The following CNTN4 variants were observed in gnomAD, a reference collection of about 807,000 sequenced individuals.
CNTN4 encodes the protein contactin-4.
A neutral mutation model predicts 122.5 loss-of-function variants in CNTN4; 77 were observed. That is an observed-to-expected ratio of 0.63 (90% CI 0.52 to 0.76). The LOEUF (loss-of-function observed/expected upper bound fraction) is 0.76. CNTN4 is among the 30% of genes least tolerant of loss of function. The pLI is 0.00. For missense variants in CNTN4, 1,256 were observed against 1,259.1 expected (o/e 1.00, Z 0.04); for synonymous variants, 512 against 447.0 (o/e 1.15, Z -1.83).
At chr3:2,732,880 G>T (rs148560734) in intron 4 of CNTN4, among the ~76,000 whole-genome samples, 2 of 152,140 alleles carry the variant, frequency 1.3e-5, no homozygotes, top group African/African-American at 2.4e-5. Flanking sequence ...GATTTCCTTC[G>T]ATGAGAACTG....
chr3:2,657,356 A>G (rs564811012), intron 4 of CNTN4, among the ~76,000 whole-genome samples: 1 of 152,216 alleles, frequency 6.6e-6, no homozygotes, highest in South Asian at 2.1e-4. Flanking sequence ...TATTACATCA[A>G]TCTCTCCAGT....
chr3:2,557,066 T>C (rs1247038744), intron 3 of CNTN4, among the ~76,000 whole-genome samples: 1 of 152,226 alleles, frequency 6.6e-6, no homozygotes, highest in African/African-American at 2.4e-5. Flanking sequence ...CTTTGCCAGA[T>C]CTCTGAAATA....
intron 2 of CNTN4, among the ~76,000 whole-genome samples, chr3:2,225,801 G>A (rs1204338237): frequency 6.6e-6 from 1 of 152,118 alleles, no homozygotes; most frequent in East Asian, 1.9e-4. Context: ...TCATGGACTG[G>A]CTCACATCTT....
At chr3:2,926,008 C>T (rs925564209) in intron 13 of CNTN4, among the ~76,000 whole-genome samples, 3 of 152,140 alleles carry the variant, frequency 2.0e-5, no homozygotes, top group Admixed American at 1.3e-4. Context: ...ACATGATCCC[C>T]GCTGAAGACT....
At chr3:2,101,156 A>T (rs2031916689) in intron 2 of CNTN4, among the ~76,000 whole-genome samples, 1 of 152,168 alleles carries the variant, frequency 6.6e-6, no homozygotes, top group African/African-American at 2.4e-5. Context: ...ATGATGTTGG[A>T]TTTTTTATCA....
chr3:2,427,352 G>A (rs538299711), intron 3 of CNTN4, among the ~76,000 whole-genome samples: 3 of 152,290 alleles, frequency 2.0e-5, no homozygotes, highest in African/African-American at 7.2e-5. Context: ...TCAGGAGCAG[G>A]TTGCTCAGTT....
rs76716357 is a variant in CNTN4 at position 2,449,150 on chromosome 3, A to G, written c.-89+109917A>G. Among the ~76,000 whole-genome samples, 572 of 152,320 alleles carry G rather than the reference A, an allele frequency of 3.8e-3. 4 individuals are homozygous for G. Among genetic ancestry groups the G allele is most frequent in the African/African-American group, 0.013 (559 of 41,570 alleles). On this transcript the variant is annotated intron_variant, in intron 3 of 24. Coordinates refer to ENST00000418658, the MANE Select transcript of CNTN4 (RefSeq NM_175607.3). ...CCCAAGCTAGGGTGATGTTTGGAGCATGTTGGATTTAAAAGACAGAAAAAT... is the reference window on the plus strand; with the variant it reads ...CCCAAGCTAGGGTGATGTTTGGAGCGTGTTGGATTTAAAAGACAGAAAAAT...
At chr3:2,281,817 G>A (rs9857176) in intron 2 of CNTN4, among the ~76,000 whole-genome samples, 77,501 of 151,854 alleles carry the variant, frequency 0.51, 20,163 homozygotes, top group South Asian at 0.65. Context: ...TCATCTTGCT[G>A]TATGGAGATA....
At position 2,385,531 on chromosome 3, in the gene CNTN4, T is replaced by C. The variant is rs931461299; in HGVS notation, c.-89+46298T>C. ...ACAGAAGTTTATTCTCTCACACTTC[T>C]AGAGGCCAGAAGTCCAAAATCAGGT... On this transcript the variant is annotated intron_variant, in intron 3 of 24. Coordinates refer to ENST00000418658, the MANE Select transcript of CNTN4 (RefSeq NM_175607.3). The surrounding 1 kb of genome is among the most constrained non-coding windows in gnomAD (Gnocchi z 4.0). Among the ~76,000 whole-genome samples the C allele has an allele frequency of 2.6e-5, 4 of 152,196 alleles. No homozygotes were observed. The highest frequency in any genetic ancestry group is 6.5e-5 in the Admixed American group (1 of 15,272).
intron 6 of CNTN4, among the ~76,000 whole-genome samples, chr3:2,783,599 C>G (rs947079852): frequency 6.6e-6 from 1 of 152,170 alleles, no homozygotes; most frequent in South Asian, 2.1e-4. Flanking sequence ...AGCTTTTAAA[C>G]TTTTTAACTT....
In CNTN4 at chr3:3,043,588, A is replaced by G. The variant is rs1448961902; in HGVS notation, c.2699-4A>G. 1 of 1,599,156 alleles carries G rather than the reference A, an allele frequency of 6.3e-7. No individual in the cohort carries two copies. The highest frequency in any genetic ancestry group is 8.6e-7 in the Non-Finnish European group (1 of 1,166,462). Reference sequence around the variant, plus strand: ...TGACTTCGTATATCTTAATTTTTTTATAGCACCAAGTCAACCCCCCGGAAA... The same window carrying G: ...TGACTTCGTATATCTTAATTTTTTTGTAGCACCAAGTCAACCCCCCGGAAA... On this transcript the variant is annotated splice_polypyrimidine_tract_variant and splice_region_variant and intron_variant, in intron 22 of 24. Transcript: ENST00000418658.
chr3:2,564,869 C>A (rs370095265), intron 3 of CNTN4, among the ~76,000 whole-genome samples: 1 of 151,962 alleles, frequency 6.6e-6, no homozygotes, highest in Non-Finnish European at 1.5e-5. Context: ...CAAATTAATC[C>A]GTATAACTGT....
intron 6 of CNTN4, among the ~76,000 whole-genome samples, chr3:2,782,476 TG>T (rs2091639273): frequency 8.5e-6 from 1 of 117,348 alleles, no homozygotes; most frequent in Non-Finnish European, 1.9e-5. Context: ...TGTGTGTGTG[TG>T]TGTGTGTGTG....
At chr3:3,001,747 T>A (rs1313788804) in intron 14 of CNTN4, among the ~76,000 whole-genome samples, 1 of 152,198 alleles carries the variant, frequency 6.6e-6, no homozygotes, top group African/African-American at 2.4e-5. Flanking sequence ...ATTTTTAAAT[T>A]ATTAAGTAGA....
chr3:2,494,270 A>C (rs1275456103), intron 3 of CNTN4, among the ~76,000 whole-genome samples: 1 of 152,186 alleles, frequency 6.6e-6, no homozygotes, highest in African/African-American at 2.4e-5. Context: ...TTTAGGGGAC[A>C]GAAGTTACAG....
intron 6 of CNTN4, among the ~76,000 whole-genome samples, chr3:2,749,887 T>C (rs2149593338): frequency 6.6e-6 from 1 of 152,318 alleles, no homozygotes; most frequent in Middle Eastern, 3.4e-3. Flanking sequence ...TTAATAAAAG[T>C]GAGGCAAGAC....
intron 4 of CNTN4, among the ~76,000 whole-genome samples, chr3:2,656,301 G>C (rs529650122): frequency 1.3e-5 from 2 of 152,276 alleles, no homozygotes; most frequent in African/African-American, 4.8e-5. Flanking sequence ...GGATAAGAAG[G>C]TAAAAATGTA....
chr3:3,056,209 T>C lies in CNTN4; in HGVS notation c.3070T>C (p.Ser1024Pro), dbSNP rs1201512711. The C allele has an allele frequency of 2.5e-6, 4 of 1,613,464 alleles. No homozygotes were observed. The highest frequency in any genetic ancestry group is 1.3e-5 in the African/African-American group (1 of 74,918). The change falls in exon 25 of 25, where the codon TCC becomes CCC. Residue 1024 changes from serine (S) to proline (P), a missense_variant. Physicochemically the swap from Ser to Pro is moderately conservative, Grantham distance 74. Coordinates refer to ENST00000418658, the MANE Select transcript of CNTN4 (RefSeq NM_175607.3). ...STIMISLTAR[S>P]SL ...AATAATGATTTCCCTCACAGCTAGG[T>C]CCAGTTTATGACAAAAGTTATCTGA...
At chr3:2,866,614 C>A (rs1216422128) in intron 7 of CNTN4, 138 bp from the exon 8 acceptor site, 4 of 1,122,748 alleles carry the variant, frequency 3.6e-6, no homozygotes, top group Admixed American at 2.0e-5. Flanking sequence ...GTGATTACTT[C>A]CTATCTGTAT....
Sources: gnomAD v4.1 joint callset for allele counts (sites outside exome capture counted in the v4.1 genomes callset) on GRCh38, gnomAD v4.1.1 for gene constraint, Gnocchi (gnomAD v3.1) non-coding constraint, MANE v1.5 for transcripts, NCBI Gene and HGNC (gene_info 2026-07-23, HGNC 2026-07-21) for gene names.